PCDHGA11: variants seen among roughly 807,000 people sequenced by gnomAD.
The protein encoded by PCDHGA11 is protocadherin gamma subfamily A, 11, also known as protocadherin gamma-A11.
PCDHGA11 carries 39 observed loss-of-function variants against 60.4 expected under a neutral mutation model. The ratio of observed to expected loss-of-function variants is 0.65; its 90% CI spans 0.50 to 0.84. The LOEUF (loss-of-function observed/expected upper bound fraction) is 0.84. PCDHGA11 is among the 40% of genes least tolerant of loss of function. The pLI, the probability that PCDHGA11 is intolerant of heterozygous loss-of-function variation, is 0.00. For synonymous variants in PCDHGA11, 533 were observed against 510.3 expected (o/e 1.04, Z -0.60); for missense variants, 1,165 against 1,197.7 (o/e 0.97, Z 0.40).
At chr5:141,427,480 A>G in intron 1 of PCDHGA11, 1 of 531,758 alleles carries the variant, frequency 1.9e-6, no homozygotes, top group South Asian at 1.5e-5. Context: ...GCCAATAATG[A>G]CTATAAGCTT....
chr5:141,431,767 T>C lies in PCDHGA11; in HGVS notation c.2433+8107T>C. The C allele has an allele frequency of 1.2e-6, 2 of 1,614,224 alleles. No homozygotes were observed. Among genetic ancestry groups the C allele is most frequent in the Non-Finnish European group, 1.7e-6 (2 of 1,180,034 alleles). ...CTGCGCGAGCCAAAGTCCTGATCAC[T>C]GTTCTGGACGTGAACGACAATGCCC... On this transcript the variant is annotated intron_variant, in intron 1 of 3. Coordinates refer to ENST00000398587, the MANE Select transcript of PCDHGA11 (RefSeq NM_018914.3). This position sits in a 1 kb window ranked among gnomAD's most constrained non-coding sequence, Gnocchi z 4.8.
At chr5:141,495,452 C>T (rs543717781) in intron 2 of PCDHGA11, among the ~76,000 whole-genome samples, 1 of 152,356 alleles carries the variant, frequency 6.6e-6, no homozygotes, top group Non-Finnish European at 1.5e-5. Context: ...TTGTCCTGCT[C>T]TCTGTCTGTG....
At chr5:141,492,933 A>G (rs935580560) in intron 1 of PCDHGA11, among the ~76,000 whole-genome samples, 3 of 152,194 alleles carry the variant, frequency 2.0e-5, no homozygotes, top group Admixed American at 6.5e-5. Flanking sequence ...CTAGGGTCAG[A>G]GATTTGGAGG....
intron 1 of PCDHGA11, chr5:141,478,393 G>A (rs2099452978): frequency 6.2e-7 from 1 of 1,613,488 alleles, no homozygotes; most frequent in South Asian, 1.1e-5. Flanking sequence ...TTTACCATCA[G>A]GTGTATCTCA....
chr5:141,433,232 C>T (rs1344380820), intron 1 of PCDHGA11: 1 of 1,516,488 alleles, frequency 6.6e-7, no homozygotes, highest in Admixed American at 1.9e-5. Flanking sequence ...ATTGCTCTGT[C>T]TCCCAAGCTG....
At chr5:141,482,343 A>G (rs1016179369) in intron 1 of PCDHGA11, among the ~76,000 whole-genome samples, 3 of 152,126 alleles carry the variant, frequency 2.0e-5, no homozygotes, top group Non-Finnish European at 2.9e-5. Flanking sequence ...TACTTTGCAA[A>G]CTTGTTGTGA....
At position 141,454,796 on chromosome 5, in the gene PCDHGA11, A is replaced by ATT. The variant is rs61612330; in HGVS notation, c.2433+31164_2433+31165dup. On this transcript the variant is annotated intron_variant, in intron 1 of 3. Coordinates refer to ENST00000398587, the MANE Select transcript of PCDHGA11 (RefSeq NM_018914.3). Reference sequence around the variant, plus strand: ...AAGGAAATAATCCTCCATGGTTCTAATTTTTTTTTTTTTTTTTTTTTTTTT... The same window carrying ATT: ...AAGGAAATAATCCTCCATGGTTCTAATTTTTTTTTTTTTTTTTTTTTTTTTTT... 6.7e-3 allele frequency among the ~76,000 whole-genome samples: 521 copies of ATT among 77,456 alleles called. 71 individuals are homozygous for ATT. The highest frequency in any genetic ancestry group is 0.017 in the Middle Eastern group (2 of 120). The allele number at this position is 77,456 out of a possible 152,430, so 50.8% of individuals were successfully genotyped here.
intron 1 of PCDHGA11, chr5:141,478,553 T>G (rs1593930915): frequency 6.2e-7 from 1 of 1,602,704 alleles, no homozygotes; most frequent in Non-Finnish European, 8.5e-7. Context: ...ACAGGTAAGG[T>G]TTAGCAAGTC....
chr5:141,433,048 G>T (rs777523454), intron 1 of PCDHGA11: 20 of 1,614,142 alleles, frequency 1.2e-5, no homozygotes, highest in Non-Finnish European at 1.5e-5. Flanking sequence ...CCACGGACTC[G>T]CGGAAGAGTC....
chr5:141,477,296 G>C lies in PCDHGA11; in HGVS notation c.2434-17511G>C. On this transcript the variant is annotated intron_variant, in intron 1 of 3. Transcript: ENST00000398587. This position sits in a 1 kb window ranked among gnomAD's most constrained non-coding sequence, Gnocchi z 4.9. ...GCTGGTGACCTGCGAAGTTCCACCG[G>C]GTCTCCCTTTCAGCCTTACTTCTTC... 3 of 1,614,064 alleles carry C rather than the reference G, an allele frequency of 1.9e-6. No individual in the cohort carries two copies. Among genetic ancestry groups the C allele is most frequent in the African/African-American group, 1.3e-5 (1 of 75,014 alleles).
rs144789830 is a variant in PCDHGA11 at position 141,503,198 on chromosome 5, C to T, written c.2493-2195C>T. Among the ~76,000 whole-genome samples the T allele has an allele frequency of 3.7e-3, 561 of 152,172 alleles. 5 individuals carry two copies. Among genetic ancestry groups the T allele is most frequent in the Admixed American group, 0.011 (164 of 15,268 alleles). ...TATTGTGTAATTATTTAAAATCAGC[C>T]TCTCAGTGCCCACCATGAGCACCGT... On this transcript the variant is annotated intron_variant, in intron 2 of 3. Coordinates refer to ENST00000398587, the MANE Select transcript of PCDHGA11 (RefSeq NM_018914.3).
intron 1 of PCDHGA11, among the ~76,000 whole-genome samples, chr5:141,448,573 AT>A (rs976781630): frequency 1.3e-5 from 2 of 151,652 alleles, no homozygotes; most frequent in East Asian, 1.9e-4. Flanking sequence ...TTATTTCCCC[AT>A]TTTTTTTACA....
Position 141,494,920 on chromosome 5 carries a change from G to A in PCDHGA11, c.2492+55G>A, listed in dbSNP as rs1329724849. The A allele has an allele frequency of 1.8e-5, 29 of 1,613,680 alleles. No individual in the cohort carries two copies. The East Asian group carries it at 6.5e-4, about 36-fold the overall frequency. On this transcript the variant is annotated intron_variant, in intron 2 of 3. Coordinates refer to ENST00000398587, the MANE Select transcript of PCDHGA11 (RefSeq NM_018914.3). ...TTCTCTGCGGCATTTTCTCAGGGAT[G>A]ACGTGGGAGGAGATGGGGGAGGGCC...
chr5:141,440,793 C>T (rs1448130354), intron 1 of PCDHGA11: 1 of 152,124 alleles, frequency 6.6e-6, no homozygotes, highest in Non-Finnish European at 1.5e-5. Context: ...TAGACGGCCC[C>T]CCAACAAAGC....
At chr5:141,510,358 C>T (rs186470331) in intron 3 of PCDHGA11, among the ~76,000 whole-genome samples, 187 of 144,062 alleles carry the variant, frequency 1.3e-3, no homozygotes, top group African/African-American at 4.6e-3. Context: ...ACTAACGGAA[C>T]TACCGAATCT....
In PCDHGA11 at chr5:141,475,307, T is replaced by C. The variant is rs527879991; in HGVS notation, c.2434-19500T>C. The stretch of plus-strand genomic sequence containing the variant: ...GGTAGGGAAATTTCTTATTGCTCCC[T>C]GGTTCTTAAGAAATGAGAGCTAACA... On this transcript the variant is annotated intron_variant, in intron 1 of 3. Transcript: ENST00000398587. 2.8e-4 allele frequency among the ~76,000 whole-genome samples: 43 copies of C among 152,348 alleles called. 1 individual carries two copies. Among genetic ancestry groups the C allele is most frequent in the Admixed American group, 8.5e-4 (13 of 15,298 alleles).
In PCDHGA11 at chr5:141,489,201, G is replaced by A. The variant is rs757039294; in HGVS notation, c.2434-5606G>A. ...AGCCCTGGGTCTACCTTGGAGACAG[G>A]ACAGCACAGACTTACTCTCCACAAA... On this transcript the variant is annotated intron_variant, in intron 1 of 3. Coordinates refer to ENST00000398587, the MANE Select transcript of PCDHGA11 (RefSeq NM_018914.3). This position sits in a 1 kb window ranked among gnomAD's most constrained non-coding sequence, Gnocchi z 4.5. The A allele has an allele frequency of 7.8e-6, 11 of 1,416,092 alleles. No individual in the cohort carries two copies. In the African/African-American group the frequency reaches 1.3e-4, roughly 17 times the overall value. 87.7% of individuals were successfully genotyped at this position (1,416,092 alleles called of 1,614,324 possible).
In PCDHGA11 at chr5:141,422,513, G is replaced by A. The variant is rs765955739; in HGVS notation, c.1286G>A (p.Gly429Glu). 1 of 1,614,000 alleles carries A rather than the reference G, an allele frequency of 6.2e-7. No individual in the cohort carries two copies. Residue 429 changes from glycine (G) to glutamate (E), a missense_variant, in exon 1 of 4, where the codon GGA (glycine) becomes GAA (glutamate). Gly to Glu is a moderately conservative substitution (Grantham distance 98, BLOSUM62 -2). Transcript: ENST00000398587. Reference sequence around the variant, plus strand: ...ATAACGTTGACAGCCACAGACCAGGGAAGCCCGCCTTTGTCTGCAGAAACT... The same window carrying A: ...ATAACGTTGACAGCCACAGACCAGGAAAGCCCGCCTTTGTCTGCAGAAACT... ...YNITLTATDQGSPPLSAETHV... is the reference protein window; with the variant it reads ...YNITLTATDQESPPLSAETHV...
At chr5:141,474,892 A>G (rs1419975508) in intron 1 of PCDHGA11, among the ~76,000 whole-genome samples, 1 of 152,208 alleles carries the variant, frequency 6.6e-6, no homozygotes, top group Non-Finnish European at 1.5e-5. Context: ...TTAGAGGTTC[A>G]TTTCTTGTTC....
Sources: gnomAD v4.1 joint callset for allele counts (sites outside exome capture counted in the v4.1 genomes callset) on GRCh38, gnomAD v4.1.1 for gene constraint, Gnocchi (gnomAD v3.1) non-coding constraint, MANE v1.5 for transcripts, NCBI Gene and HGNC (gene_info 2026-07-23, HGNC 2026-07-21) for gene names.